FOSL2: variants seen among roughly 807,000 people sequenced by gnomAD.
FOSL2 encodes the protein FOS like 2, AP-1 transcription factor subunit.
FOSL2 carries 3 observed loss-of-function variants against 27.7 expected under a neutral mutation model. The ratio of observed to expected loss-of-function variants is 0.11; its 90% CI spans 0.05 to 0.28. The LOEUF (loss-of-function observed/expected upper bound fraction) is 0.28. FOSL2 is among the 10% of genes least tolerant of loss of function. The pLI is 1.00. For missense variants in FOSL2, 333 were observed against 445.1 expected, an observed-to-expected ratio of 0.75 and a Z score of 2.27; for synonymous variants, 179 against 190.1, an observed-to-expected ratio of 0.94 and a Z score of 0.48.
chr2:28,403,812 A>G (rs976154399), intron 1 of FOSL2, among the ~76,000 whole-genome samples: 2 of 152,176 alleles, frequency 1.3e-5, no homozygotes, highest in Admixed American at 6.5e-5. Flanking sequence ...GACCACGTCT[A>G]TCTTGGAAGT....
rs1171173255 is a variant in FOSL2, at chr2:28,412,226, G to A, written c.759G>A (p.Gly253=). ...RSVIKPISIA[G]GFYGEEPLHT... is the part of the protein sequence containing the mutation. The stretch of plus-strand genomic sequence containing the variant: ...TCATCAAGCCCATCAGCATTGCTGG[G>A]GGCTTCTACGGTGAGGAGCCCCTGC... Residue 253 remains glycine, a synonymous_variant, in exon 4 of 4, where the codon GGG becomes GGA. Transcript: ENST00000264716. The surrounding 1 kb of genome is among the most constrained non-coding windows in gnomAD (Gnocchi z 7.1). 1 of 1,613,798 alleles carries A rather than the reference G, an allele frequency of 6.2e-7. No individual in the cohort carries two copies. The highest frequency in any genetic ancestry group is 1.1e-5 in the South Asian group (1 of 91,074).
At chr2:28,410,886 T>G (rs1204358706) in intron 3 of FOSL2, among the ~76,000 whole-genome samples, 1 of 152,186 alleles carries the variant, frequency 6.6e-6, no homozygotes, top group Non-Finnish European at 1.5e-5. Flanking sequence ...CCGTGGCTCA[T>G]GCCTGTAATC....
Position 28,412,854 on chromosome 2 carries a change from T to G in FOSL2, c.*406T>G. 4 of 176,022 alleles carry G rather than the reference T, an allele frequency of 2.3e-5. No homozygotes were observed. The highest frequency in any genetic ancestry group is 2.4e-5 in the Non-Finnish European group (2 of 83,944). The allele number at this position is 176,022 out of a possible 1,614,324, so 10.9% of individuals were successfully genotyped here. The stretch of plus-strand genomic sequence containing the variant: ...ATGCTCAGTGCCTTTTGGTTTCACC[T>G]TCCCTCGACTTGACCCTTTCCTCCC... On this transcript the variant is annotated 3_prime_UTR_variant, in exon 4 of 4. Coordinates refer to ENST00000264716, the MANE Select transcript of FOSL2 (RefSeq NM_005253.4). The surrounding 1 kb of genome is among the most constrained non-coding windows in gnomAD (Gnocchi z 7.1).
chr2:28,412,316 C>A lies in FOSL2; in HGVS notation c.849C>A (p.Thr283=), dbSNP rs774882224. Residue 283 remains threonine (T), a synonymous_variant, in exon 4 of 4, where the codon ACC becomes ACA. Transcript: ENST00000264716. The surrounding 1 kb of genome is among the most constrained non-coding windows in gnomAD (Gnocchi z 7.1). ...CGGGCACCTCGAACCTCGTCTTCAC[C>A]TATCCTAGCGTCCTGGAGCAGGAGT... ...VTPGTSNLVF[T]YPSVLEQESP... The A allele has an allele frequency of 6.2e-7, 1 of 1,614,030 alleles. No homozygotes were observed. Among genetic ancestry groups the A allele is most frequent in the Non-Finnish European group, 8.5e-7 (1 of 1,180,014 alleles).
At chr2:28,406,152 C>T (rs917291600) in intron 2 of FOSL2, among the ~76,000 whole-genome samples, 1 of 151,570 alleles carries the variant, frequency 6.6e-6, no homozygotes, top group Non-Finnish European at 1.5e-5. Flanking sequence ...TCCACCTCCG[C>T]GGTTCAAGCA....
rs1316650842 is a variant in FOSL2 at position 28,393,593 on chromosome 2, C to G, written c.-128C>G. 7.5e-6 allele frequency: 5 copies of G among 663,366 alleles called. No homozygotes were observed. Among genetic ancestry groups the G allele is most frequent in the Non-Finnish European group, 1.3e-5 (5 of 388,746 alleles). The allele number at this position is 663,366 out of a possible 1,614,324, so 41.1% of individuals were successfully genotyped here. The stretch of plus-strand genomic sequence containing the variant: ...TCGCCCTCCGCGGTGGGGGAGAAAC[C>G]CAGGAGCGAAGCCCAGAGCCCGCGG... On this transcript the variant is annotated 5_prime_UTR_variant, in exon 1 of 4. Coordinates refer to ENST00000264716, the MANE Select transcript of FOSL2 (RefSeq NM_005253.4). The surrounding 1 kb of genome is among the most constrained non-coding windows in gnomAD (Gnocchi z 4.6).
intron 2 of FOSL2, among the ~76,000 whole-genome samples, chr2:28,405,750 A>G (rs939032688): frequency 3.9e-5 from 6 of 152,164 alleles, no homozygotes; most frequent in Admixed American, 6.5e-5. Context: ...TCTGCTAGAC[A>G]CTATAATGGA....
At chr2:28,396,028 C>T (rs1001596069) in intron 1 of FOSL2, among the ~76,000 whole-genome samples, 1 of 152,216 alleles carries the variant, frequency 6.6e-6, no homozygotes, top group Non-Finnish European at 1.5e-5. Context: ...TTATTTCTCT[C>T]CGCTTCCTGT....
chr2:28,414,846 G>C lies in FOSL2; in HGVS notation c.*2398G>C, dbSNP rs1664280998. On this transcript the variant is annotated 3_prime_UTR_variant, in exon 4 of 4. Transcript: ENST00000264716. Reference sequence around the variant, plus strand: ...AAACGTCCAGCCAACACACAGGACTGTAAGAGGACTCTGAGCTACGTGCCC... The same window carrying C: ...AAACGTCCAGCCAACACACAGGACTCTAAGAGGACTCTGAGCTACGTGCCC... 1 of 152,182 alleles carries C rather than the reference G, an allele frequency of 6.6e-6. No individual in the cohort carries two copies. The highest frequency in any genetic ancestry group is 1.5e-5 in the Non-Finnish European group (1 of 68,040). The allele number at this position is 152,182 out of a possible 1,614,324, so 9.4% of individuals were successfully genotyped here.
intron 1 of FOSL2, among the ~76,000 whole-genome samples, chr2:28,398,365 CT>C (rs1156954300): frequency 6.6e-6 from 1 of 152,186 alleles, no homozygotes; most frequent in Non-Finnish European, 1.5e-5. Context: ...TCTCTCGGCC[CT>C]GTCCCGTGGC....
Position 28,404,317 on chromosome 2 carries a change from A to G in FOSL2, c.313A>G (p.Thr105Ala), listed in dbSNP as rs765250369. 6.2e-7 allele frequency: 1 copy of G among 1,614,018 alleles called. No individual in the cohort carries two copies. Among genetic ancestry groups the G allele is most frequent in the Admixed American group, 1.7e-5 (1 of 60,020 alleles). Residue 105 changes from threonine (T) to alanine (A), a missense_variant, in exon 2 of 4, where the codon ACC (threonine) becomes GCC (alanine). Thr to Ala is a moderately conservative substitution (Grantham distance 58). Coordinates refer to ENST00000264716, the MANE Select transcript of FOSL2 (RefSeq NM_005253.4). The surrounding 1 kb of genome is among the most constrained non-coding windows in gnomAD (Gnocchi z 4.7). Reference sequence around the variant, plus strand: ...CCTCCCAAGACCTGGCGTGATCAAGACCATTGGCACCACCGTGGGCCGCAG... The same window carrying G: ...CCTCCCAAGACCTGGCGTGATCAAGGCCATTGGCACCACCGTGGGCCGCAG... ...MALPRPGVIKTIGTTVGRRRR... is the reference protein window; with the variant it reads ...MALPRPGVIKAIGTTVGRRRR...
chr2:28,412,505 G>C lies in FOSL2; in HGVS notation c.*57G>C. On this transcript the variant is annotated 3_prime_UTR_variant, in exon 4 of 4. Coordinates refer to ENST00000264716, the MANE Select transcript of FOSL2 (RefSeq NM_005253.4). This position sits in a 1 kb window ranked among gnomAD's most constrained non-coding sequence, Gnocchi z 7.1. ...GGGTCCTCCTCGCTCCTCCTTCCCA[G>C]GGACCAGCACCTTCAAGCGCTCCAG... 1 of 1,562,296 alleles carries C rather than the reference G, an allele frequency of 6.4e-7. No individual in the cohort carries two copies. Among genetic ancestry groups the C allele is most frequent in the South Asian group, 1.2e-5 (1 of 84,954 alleles).
chr2:28,401,203 A>C (rs1431733607), intron 1 of FOSL2, among the ~76,000 whole-genome samples: 1 of 151,386 alleles, frequency 6.6e-6, no homozygotes, highest in Non-Finnish European at 1.5e-5. Flanking sequence ...AATGTTTCTC[A>C]ACCCTGGCTG....
rs764405183 is a variant in FOSL2 at position 28,412,037 on chromosome 2, G to A, written c.570G>A (p.Val190=). The part of the protein sequence containing the change: ...LEFMLVAHGP[V]CKISPEERRS... ...TCATGTTGGTGGCTCACGGCCCAGT[G>A]TGCAAGATTAGCCCCGAGGAGCGCC... Residue 190 remains valine, a synonymous_variant, in exon 4 of 4, where the codon GTG becomes GTA. Transcript: ENST00000264716. This position sits in a 1 kb window ranked among gnomAD's most constrained non-coding sequence, Gnocchi z 7.1. 1 of 1,611,848 alleles carries A rather than the reference G, an allele frequency of 6.2e-7. No homozygotes were observed. The highest frequency in any genetic ancestry group is 8.5e-7 in the Non-Finnish European group (1 of 1,179,978).
Position 28,416,085 on chromosome 2 carries a change from A to G in FOSL2, c.*3637A>G, listed in dbSNP as rs1036967009. 1 of 152,038 alleles carries G rather than the reference A, an allele frequency of 6.6e-6. No homozygotes were observed. The highest frequency in any genetic ancestry group is 1.5e-5 in the Non-Finnish European group (1 of 68,014). 9.4% of individuals were successfully genotyped at this position (152,038 alleles called of 1,614,324 possible). On this transcript the variant is annotated 3_prime_UTR_variant, in exon 4 of 4. Coordinates refer to ENST00000264716, the MANE Select transcript of FOSL2 (RefSeq NM_005253.4). ...CTTGTTGAGTTGTTTTGGCATTCAT[A>G]TTAAAAGCCAGCATCTCACTATTTA...
intron 1 of FOSL2, among the ~76,000 whole-genome samples, chr2:28,398,151 A>G (rs1663895872): frequency 6.6e-6 from 1 of 152,252 alleles, no homozygotes; most frequent in Non-Finnish European, 1.5e-5. Flanking sequence ...GTTGAAACAA[A>G]GAAAAAAATA....
intron 3 of FOSL2, 78 bp from the exon 4 acceptor site, chr2:28,411,852 A>G (rs759641440): frequency 3.3e-6 from 5 of 1,511,586 alleles, no homozygotes; most frequent in African/African-American, 2.7e-5. Flanking sequence ...GTCTGAGAAC[A>G]TTACTGGTTT....
At chr2:28,409,355 C>G (rs1259928482) in intron 3 of FOSL2, among the ~76,000 whole-genome samples, 1 of 152,200 alleles carries the variant, frequency 6.6e-6, no homozygotes, top group Admixed American at 6.5e-5. Context: ...GGTCACGTGG[C>G]AGCAGGGTTG....
In FOSL2 at chr2:28,416,440, C is replaced by T. The variant is rs1484132859; in HGVS notation, c.*3992C>T. ...AGAAACTGATAGCATTAAAATACTC[C>T]GTTCCTCTCTCTCTTCTCGCTTCCT... On this transcript the variant is annotated 3_prime_UTR_variant, in exon 4 of 4. Coordinates refer to ENST00000264716, the MANE Select transcript of FOSL2 (RefSeq NM_005253.4). 2 of 147,704 alleles carry T rather than the reference C, an allele frequency of 1.4e-5. No individual in the cohort carries two copies. Among genetic ancestry groups the T allele is most frequent in the African/African-American group, 5.0e-5 (2 of 40,066 alleles). 9.1% of individuals were successfully genotyped at this position (147,704 alleles called of 1,614,324 possible).
Sources: gnomAD v4.1 joint callset for allele counts (sites outside exome capture counted in the v4.1 genomes callset) on GRCh38, gnomAD v4.1.1 for gene constraint, Gnocchi (gnomAD v3.1) non-coding constraint, MANE v1.5 for transcripts, NCBI Gene and HGNC (gene_info 2026-07-23, HGNC 2026-07-21) for gene names.